Variants in DCPS observed in about 807,000 individuals in gnomAD.
DCPS encodes m7GpppX diphosphatase.
A neutral mutation model predicts 34.7 loss-of-function variants in DCPS; 27 were observed. That is an observed-to-expected ratio of 0.78 (90% confidence interval 0.57 to 1.07). DCPS has a LOEUF of 1.07. Ranked by LOEUF, DCPS falls within the 50% of genes least tolerant of loss-of-function variation. The pLI is 0.00. For synonymous variants in DCPS, 185 were observed against 185.7 expected, an observed-to-expected ratio of 1.00 and a Z score of 0.03; for missense variants, 464 against 436.9, an observed-to-expected ratio of 1.06 and a Z score of -0.55.
rs3781771 is a variant in DCPS, at chr11:126,308,293, T to A, written c.376+1549T>A. Among the ~76,000 whole-genome samples, 124 of 152,358 alleles carry A rather than the reference T, an allele frequency of 8.1e-4. No homozygotes were observed. The East Asian group carries it at 0.023, about 28-fold the overall frequency. On this transcript the variant is annotated intron_variant, in intron 2 of 5. Transcript: ENST00000263579. ...TTTGTTTTACAGCACATGGTGACTT[T>A]GTCATATCCTTCTGTCTTCTTGTTT...
chr11:126,309,182 C>T (rs1010796396), intron 2 of DCPS, among the ~76,000 whole-genome samples: 6 of 152,104 alleles, frequency 3.9e-5, no homozygotes, highest in Non-Finnish European at 7.4e-5. Flanking sequence ...CACACCACCA[C>T]GCCCAGCTAA....
At position 126,345,317 on chromosome 11, in the gene DCPS, C is replaced by G. The variant is rs750956205; in HGVS notation, c.748-30C>G. ...CGCCGGGCCTCAGGCAGCACGGTGA[C>G]TCCTGACCTGCCTGCCCCTGTCTCA... On this transcript the variant is annotated intron_variant, in intron 5 of 5. Transcript: ENST00000263579. The surrounding 1 kb of genome is among the most constrained non-coding windows in gnomAD (Gnocchi z 7.4). The G allele has an allele frequency of 6.2e-7, 1 of 1,612,044 alleles. No homozygotes were observed. The highest frequency in any genetic ancestry group is 1.7e-5 in the Admixed American group (1 of 59,996).
chr11:126,326,646 G>A (rs759463961), intron 2 of DCPS, among the ~76,000 whole-genome samples: 1 of 152,164 alleles, frequency 6.6e-6, no homozygotes, highest in Non-Finnish European at 1.5e-5. Context: ...CTTCACGGCC[G>A]GGCGCAGTGG....
chr11:126,345,050 A>G lies in DCPS; in HGVS notation c.748-297A>G, dbSNP rs1228131667. 1.3e-5 allele frequency among the ~76,000 whole-genome samples: 2 copies of G among 152,206 alleles called. No individual in the cohort carries two copies. Among genetic ancestry groups the G allele is most frequent in the African/African-American group, 2.4e-5 (1 of 41,456 alleles). ...GGGCCTTCCAAGATTCCCAGCAGCA[A>G]CTGTTTGAGGAAGCCAGTGTTTTTT... is the stretch of plus-strand genomic sequence containing the variant. On this transcript the variant is annotated intron_variant, in intron 5 of 5. Transcript: ENST00000263579. The surrounding 1 kb of genome is among the most constrained non-coding windows in gnomAD (Gnocchi z 7.4).
At chr11:126,307,969 G>A (rs2135308574) in intron 2 of DCPS, among the ~76,000 whole-genome samples, 1 of 152,310 alleles carries the variant, frequency 6.6e-6, no homozygotes, top group East Asian at 1.9e-4. Context: ...GCCGGCCAGT[G>A]TGTCTGGTGC....
intron 4 of DCPS, among the ~76,000 whole-genome samples, chr11:126,340,109 C>A (rs753090186): frequency 2.6e-5 from 4 of 152,182 alleles, no homozygotes; most frequent in Non-Finnish European, 5.9e-5. Context: ...ATCTGCCGTC[C>A]TTCTGACCCC....
rs375247808 is a variant in DCPS at position 126,325,915 on chromosome 11, C to T, written c.377-5490C>T. ...TGGGCGGATTACGAGATCAGGAAAT[C>T]GAGGCCATCCTGGCCAACTTGGTGA... On this transcript the variant is annotated intron_variant, in intron 2 of 5. Transcript: ENST00000263579. The surrounding 1 kb of genome is among the most constrained non-coding windows in gnomAD (Gnocchi z 4.3). Among the ~76,000 whole-genome samples, 10 of 152,158 alleles carry T rather than the reference C, an allele frequency of 6.6e-5. No individual in the cohort carries two copies. The highest frequency in any genetic ancestry group is 2.2e-4 in the African/African-American group (9 of 41,506).
rs566002628 is a variant in DCPS, at chr11:126,328,704, G to A, written c.377-2701G>A. 6.6e-5 allele frequency among the ~76,000 whole-genome samples: 10 copies of A among 152,256 alleles called. No homozygotes were observed. The highest frequency in any genetic ancestry group is 3.9e-4 in the East Asian group (2 of 5,166). ...AGAACCCGGCTGCTCTCCAGCGCCC[G>A]CTCTGCCTCTGTGCCCTGCCCATCT... On this transcript the variant is annotated intron_variant, in intron 2 of 5. Transcript: ENST00000263579. This position sits in a 1 kb window ranked among gnomAD's most constrained non-coding sequence, Gnocchi z 6.6.
Position 126,315,194 on chromosome 11 carries a change from C to G in DCPS, c.376+8450C>G, listed in dbSNP as rs368091314. On this transcript the variant is annotated intron_variant, in intron 2 of 5. Coordinates refer to ENST00000263579, the MANE Select transcript of DCPS (RefSeq NM_014026.6). This position sits in a 1 kb window ranked among gnomAD's most constrained non-coding sequence, Gnocchi z 6.1. ...AAATAGTCTCTATGCCAAACCCCTG[C>G]GAGACAATTTACCTGTAAACAAAGC... Among the ~76,000 whole-genome samples, 2 of 151,768 alleles carry G rather than the reference C, an allele frequency of 1.3e-5. No homozygotes were observed. The highest frequency in any genetic ancestry group is 2.9e-5 in the Non-Finnish European group (2 of 67,984).
Position 126,334,279 on chromosome 11 carries a change from C to G in DCPS, c.522+2729C>G, listed in dbSNP as rs1951814043. On this transcript the variant is annotated intron_variant, in intron 3 of 5. Transcript: ENST00000263579. This position sits in a 1 kb window ranked among gnomAD's most constrained non-coding sequence, Gnocchi z 5.5. ...CAGTTTGGAATTCATTGAGCACTTA[C>G]TATGTATAGTCCAAGAACTGCTCTA... is the stretch of plus-strand genomic sequence containing the variant. Among the ~76,000 whole-genome samples, 1 of 152,182 alleles carries G rather than the reference C, an allele frequency of 6.6e-6. No individual in the cohort carries two copies. Among genetic ancestry groups the G allele is most frequent in the African/African-American group, 2.4e-5 (1 of 41,430 alleles).
In DCPS at chr11:126,338,313, G is replaced by C; in HGVS notation, c.550G>C (p.Ala184Pro). 1 of 1,614,182 alleles carries C rather than the reference G, an allele frequency of 6.2e-7. No homozygotes were observed. Among genetic ancestry groups the C allele is most frequent in the African/African-American group, 1.3e-5 (1 of 75,038 alleles). ...GGTGTATAACATTCTCGACAAGAAG[G>C]CTGAAGCGGACCGGATTGTTTTCGA... ...QWVYNILDKK[A>P]EADRIVFENP... Residue 184 changes from alanine to proline, a missense_variant, in exon 4 of 6, where the codon GCT becomes CCT. Transcript: ENST00000263579. This position sits in a 1 kb window ranked among gnomAD's most constrained non-coding sequence, Gnocchi z 5.4.
At chr11:126,330,072 A>G (rs979197358) in intron 2 of DCPS, among the ~76,000 whole-genome samples, 1 of 152,198 alleles carries the variant, frequency 6.6e-6, no homozygotes, top group Non-Finnish European at 1.5e-5. Context: ...AAAGGAAAGG[A>G]CTTAACCAAA....
chr11:126,331,731 A>G lies in DCPS; in HGVS notation c.522+181A>G, dbSNP rs1951795441. On this transcript the variant is annotated intron_variant, in intron 3 of 5. Transcript: ENST00000263579. The surrounding 1 kb of genome is among the most constrained non-coding windows in gnomAD (Gnocchi z 7.2). ...TGCAGCTTACATCCCATGCACAGTC[A>G]CACGGTGTGTGACCATACACAGATA... 6.6e-6 allele frequency among the ~76,000 whole-genome samples: 1 copy of G among 152,226 alleles called. No homozygotes were observed. The highest frequency in any genetic ancestry group is 1.5e-5 in the Non-Finnish European group (1 of 68,040).
intron 1 of DCPS, among the ~76,000 whole-genome samples, chr11:126,304,587 A>G (rs973512242): frequency 3.3e-5 from 5 of 152,110 alleles, no homozygotes; most frequent in Non-Finnish European, 7.4e-5. Context: ...TCATCCATTT[A>G]TGTATACAGG....
At position 126,343,407 on chromosome 11, in the gene DCPS, A is replaced by G. The variant is rs1047888546; in HGVS notation, c.737A>G (p.His246Arg). Residue 246 changes from histidine to arginine, a missense_variant, in exon 5 of 6, where the codon CAC becomes CGC. Physicochemically the swap from His to Arg is conservative, Grantham distance 29. Transcript: ENST00000263579. The stretch of plus-strand genomic sequence containing the variant: ...TTGCCGCTGCTCAGGAACATCCTCC[A>G]CCAGGGGCAGGTGAGTGGCTTCACC... ...EHLPLLRNIL[H>R]QGQEAILQRY... The G allele has an allele frequency of 2.5e-6, 4 of 1,613,124 alleles. No homozygotes were observed. In the South Asian group the frequency reaches 4.4e-5, roughly 18 times the overall value.
At position 126,331,369 on chromosome 11, in the gene DCPS, T is replaced by A. The variant is rs1230177264; in HGVS notation, c.377-36T>A. On this transcript the variant is annotated intron_variant, in intron 2 of 5. Coordinates refer to ENST00000263579, the MANE Select transcript of DCPS (RefSeq NM_014026.6). This position sits in a 1 kb window ranked among gnomAD's most constrained non-coding sequence, Gnocchi z 7.2. ...TGCCTGTGGCATAGAGAGTGGGCAT[T>A]GCTTCCCTGTCACGGGCTGTGCTGT... 2 of 1,610,202 alleles carry A rather than the reference T, an allele frequency of 1.2e-6. No individual in the cohort carries two copies. Among genetic ancestry groups the A allele is most frequent in the Admixed American group, 3.3e-5 (2 of 59,716 alleles).
chr11:126,329,655 A>C lies in DCPS; in HGVS notation c.377-1750A>C, dbSNP rs1951766545. Among the ~76,000 whole-genome samples, 1 of 152,162 alleles carries C rather than the reference A, an allele frequency of 6.6e-6. No homozygotes were observed. Among genetic ancestry groups the C allele is most frequent in the Admixed American group, 6.5e-5 (1 of 15,280 alleles). On this transcript the variant is annotated intron_variant, in intron 2 of 5. Transcript: ENST00000263579. The surrounding 1 kb of genome is among the most constrained non-coding windows in gnomAD (Gnocchi z 5.0). ...TTGCAGGAGCACTGGCTTTAGGGTG[A>C]GATGGCCTCAGTTCCAGGTTCGCCT... is the stretch of plus-strand genomic sequence containing the variant.
In DCPS at chr11:126,307,961, C is replaced by T. The variant is rs142155700; in HGVS notation, c.376+1217C>T. Among the ~76,000 whole-genome samples the T allele has an allele frequency of 5.3e-5, 8 of 152,210 alleles. No individual in the cohort carries two copies. The East Asian group carries it at 9.6e-4, about 18-fold the overall frequency. ...TGCTCACCATACTCATTCTGTGGGCCGGCCAGTGTGTCTGGTGCTGCAAAA... is the reference window on the plus strand; with the variant it reads ...TGCTCACCATACTCATTCTGTGGGCTGGCCAGTGTGTCTGGTGCTGCAAAA... On this transcript the variant is annotated intron_variant, in intron 2 of 5. Transcript: ENST00000263579.
rs185079320 is a variant in DCPS at position 126,311,289 on chromosome 11, A to T, written c.376+4545A>T. Among the ~76,000 whole-genome samples the T allele has an allele frequency of 4.3e-3, 653 of 152,368 alleles. 2 individuals are homozygous for T. The highest frequency in any genetic ancestry group is 0.014 in the Middle Eastern group (4 of 294). ...TGAGAACAAGCCTCACGTCAGGCAGACCTGGGTGCGAATCCTGGCTTTGCC... is the reference window on the plus strand; with the variant it reads ...TGAGAACAAGCCTCACGTCAGGCAGTCCTGGGTGCGAATCCTGGCTTTGCC... On this transcript the variant is annotated intron_variant, in intron 2 of 5. Coordinates refer to ENST00000263579, the MANE Select transcript of DCPS (RefSeq NM_014026.6).
Sources: gnomAD v4.1 joint callset for allele counts (sites outside exome capture counted in the v4.1 genomes callset) on GRCh38, gnomAD v4.1.1 for gene constraint, Gnocchi (gnomAD v3.1) non-coding constraint, MANE v1.5 for transcripts, NCBI Gene and HGNC (gene_info 2026-07-23, HGNC 2026-07-21) for gene names.